The following LPAR3 variants were observed in gnomAD, a reference collection of about 807,000 sequenced individuals.
The protein encoded by LPAR3 is lysophosphatidic acid receptor 3, also known as LPA receptor 3.
A neutral mutation model predicts 17.8 loss-of-function variants in LPAR3; 7 were observed. The observed-to-expected ratio is 0.39, with a 90% CI of 0.22 to 0.74. The LOEUF is 0.74. Among genes scored for constraint, LPAR3 ranks in the 30% least tolerant of loss-of-function variants. The probability of loss-of-function intolerance (pLI) is 0.40; values close to 1 mark genes in which losing one functional copy is unlikely to be tolerated. For synonymous variants in LPAR3, 179 were observed against 179.9 expected (o/e 0.99, Z 0.04); for missense variants, 391 against 453.4 (o/e 0.86, Z 1.25).
chr1:84,838,992 G>A (rs879650871), intron 2 of LPAR3, among the ~76,000 whole-genome samples: 7 of 152,114 alleles, frequency 4.6e-5, no homozygotes, highest in African/African-American at 1.2e-4. Context: ...CACCACCACA[G>A]GTTTCAGTGC....
chr1:84,860,221 T>C (rs1309927127), intron 2 of LPAR3, among the ~76,000 whole-genome samples: 1 of 152,124 alleles, frequency 6.6e-6, no homozygotes, highest in African/African-American at 2.4e-5. Flanking sequence ...CTACCACCAC[T>C]ACCCTCAAGG....
chr1:84,849,671 G>C (rs960729007), intron 2 of LPAR3, among the ~76,000 whole-genome samples: 3 of 152,134 alleles, frequency 2.0e-5, no homozygotes, highest in Non-Finnish European at 4.4e-5. Context: ...TCTCTGCCAC[G>C]TAGCACCAGT....
chr1:84,846,193 T>C (rs72718713), intron 2 of LPAR3, among the ~76,000 whole-genome samples: 6,308 of 152,200 alleles, frequency 0.041, 287 homozygotes, highest in African/African-American at 0.11. Flanking sequence ...CAAATTCTCA[T>C]GTTAAAAAAA....
chr1:84,820,608 T>C (rs1007565965), intron 2 of LPAR3, among the ~76,000 whole-genome samples: 7 of 152,150 alleles, frequency 4.6e-5, no homozygotes, highest in Non-Finnish European at 8.8e-5. Context: ...CAGGGCTAGA[T>C]TGAGAAGGGC....
chr1:84,842,189 A>G (rs534196311), intron 2 of LPAR3, among the ~76,000 whole-genome samples: 1 of 152,314 alleles, frequency 6.6e-6, no homozygotes, highest in South Asian at 2.1e-4. Context: ...TTTTCACTTA[A>G]GCTGACGTGA....
chr1:84,871,396 C>A (rs1194812805), intron 1 of LPAR3, among the ~76,000 whole-genome samples: 1 of 152,202 alleles, frequency 6.6e-6, no homozygotes, highest in Non-Finnish European at 1.5e-5. Flanking sequence ...CATTTGAAAA[C>A]CACTCAAGCA....
intron 2 of LPAR3, among the ~76,000 whole-genome samples, chr1:84,855,820 G>C (rs1279340311): frequency 6.6e-6 from 1 of 152,136 alleles, no homozygotes; most frequent in Non-Finnish European, 1.5e-5. Context: ...AAAGAACCAA[G>C]AGCCAGACTT....
At chr1:84,888,888 A>C (rs1660504650) in intron 1 of LPAR3, among the ~76,000 whole-genome samples, 1 of 152,174 alleles carries the variant, frequency 6.6e-6, no homozygotes, top group Non-Finnish European at 1.5e-5. Flanking sequence ...ATGAGTAATT[A>C]GAGGGGTTGA....
chr1:84,822,350 GT>G (rs1232153198), intron 2 of LPAR3, among the ~76,000 whole-genome samples: 1 of 152,080 alleles, frequency 6.6e-6, no homozygotes, highest in Non-Finnish European at 1.5e-5. Context: ...TGAGTTCAAT[GT>G]TAATTTTTAA....
intron 1 of LPAR3, among the ~76,000 whole-genome samples, chr1:84,871,781 C>G (rs919548917): frequency 6.6e-6 from 1 of 152,180 alleles, no homozygotes; most frequent in Non-Finnish European, 1.5e-5. Flanking sequence ...AAGGCCTTTG[C>G]ACTTGCCATT....
In LPAR3 at chr1:84,812,768, C is replaced by G. The variant is rs1658839292; in HGVS notation, c.*1078G>C. 6.6e-6 allele frequency: 1 copy of G among 152,140 alleles called. No individual in the cohort carries two copies. The highest frequency in any genetic ancestry group is 1.5e-5 in the Non-Finnish European group (1 of 68,074). 9.4% of individuals were successfully genotyped at this position (152,140 alleles called of 1,614,324 possible). ...ATTCTTAACATTGTTCTTTGGTCCT[C>G]TTATTCCTCTGTCCTTTTGCTGGGT... On this transcript the variant is annotated 3_prime_UTR_variant, in exon 3 of 3. Coordinates refer to ENST00000370611, the MANE Select transcript of LPAR3 (RefSeq NM_012152.3).
intron 2 of LPAR3, among the ~76,000 whole-genome samples, chr1:84,822,576 G>A (rs568037032): frequency 9.9e-5 from 15 of 152,206 alleles, no homozygotes; most frequent in African/African-American, 3.6e-4. Flanking sequence ...ACCCAAATTT[G>A]GAAGTTTACA....
rs1660037028 is a variant in LPAR3, at chr1:84,865,889, A to G, written c.232T>C (p.Phe78Leu). ...AGGAATACATAGGCAATTCCAGCGAAGAAATCGGCAGCAGCTAAATTAGCC... is the reference window on the plus strand; with the variant it reads ...AGGAATACATAGGCAATTCCAGCGAGGAAATCGGCAGCAGCTAAATTAGCC... ...LLANLAAADF[F>L]AGIAYVFLMF... The change falls in exon 2 of 3, where the codon TTC becomes CTC. Residue 78 changes from phenylalanine (F) to leucine (L), a missense_variant. By Grantham distance (22) the Phe-to-Leu change is conservative. Coordinates refer to ENST00000370611, the MANE Select transcript of LPAR3 (RefSeq NM_012152.3). 6.2e-7 allele frequency: 1 copy of G among 1,614,258 alleles called. No individual in the cohort carries two copies. Among genetic ancestry groups the G allele is most frequent in the Non-Finnish European group, 8.5e-7 (1 of 1,180,052 alleles).
chr1:84,828,402 T>C (rs1659207989), intron 2 of LPAR3, among the ~76,000 whole-genome samples: 1 of 152,234 alleles, frequency 6.6e-6, no homozygotes. Flanking sequence ...CATATCTAAC[T>C]TTTCCCTAAG....
At chr1:84,821,616 T>C (rs559888310) in intron 2 of LPAR3, among the ~76,000 whole-genome samples, 1 of 152,292 alleles carries the variant, frequency 6.6e-6, no homozygotes, top group African/African-American at 2.4e-5. Flanking sequence ...GGCATCTCCA[T>C]GTTAGCCATC....
rs941954109 is a variant in LPAR3, at chr1:84,811,841, A to G, written c.*2005T>C. 1 of 152,162 alleles carries G rather than the reference A, an allele frequency of 6.6e-6. No homozygotes were observed. Among genetic ancestry groups the G allele is most frequent in the African/African-American group, 2.4e-5 (1 of 41,430 alleles). The allele number at this position is 152,162 out of a possible 1,614,324, so 9.4% of individuals were successfully genotyped here. A position where few individuals can be genotyped will look rare whatever the true frequency, so the allele number is the denominator to read the frequency against. ...TTTTGCAAACTACATAAATACTATA[A>G]TATCTACCTTGAAGTTATTCTCATT... On this transcript the variant is annotated 3_prime_UTR_variant, in exon 3 of 3. Coordinates refer to ENST00000370611, the MANE Select transcript of LPAR3 (RefSeq NM_012152.3).
At chr1:84,815,090 C>T (rs1295220288) in intron 2 of LPAR3, among the ~76,000 whole-genome samples, 3 of 152,168 alleles carry the variant, frequency 2.0e-5, no homozygotes, top group Non-Finnish European at 4.4e-5. Context: ...CCTTGATTAA[C>T]TCACAGGACC....
intron 1 of LPAR3, among the ~76,000 whole-genome samples, chr1:84,879,305 T>G (rs903940564): frequency 1.4e-4 from 12 of 83,562 alleles, no homozygotes; most frequent in Admixed American, 4.2e-4. Context: ...CTTTCTTTTC[T>G]TTTCTTTTTT....
intron 1 of LPAR3, among the ~76,000 whole-genome samples, chr1:84,870,060 A>C (rs906280046): frequency 6.6e-6 from 1 of 152,194 alleles, no homozygotes; most frequent in East Asian, 1.9e-4. Flanking sequence ...AATTACCAAA[A>C]ATTTTTAGCA....
Sources: allele counts gnomAD v4.1 joint callset (sites outside exome capture counted in the v4.1 genomes callset), GRCh38; gene constraint gnomAD v4.1.1; transcripts MANE v1.5; gene names NCBI Gene and HGNC (gene_info 2026-07-23, HGNC 2026-07-21).